SSH2: variants seen among roughly 807,000 people sequenced by gnomAD.
SSH2 encodes the protein slingshot protein phosphatase 2.
In SSH2, 37 loss-of-function variants were observed where a neutral mutation model predicts 135.2. The ratio of observed to expected loss-of-function variants is 0.27; its 90% CI spans 0.21 to 0.36. SSH2 has a LOEUF of 0.36. Ranked by LOEUF, SSH2 falls within the 10% of genes least tolerant of loss-of-function variation. The pLI, the probability that SSH2 is intolerant of heterozygous loss-of-function variation, is 1.00. For synonymous variants in SSH2, 628 were observed against 646.2 expected (o/e 0.97, Z 0.43); for missense variants, 1,408 against 1,765.3 (o/e 0.80, Z 3.63).
chr17:29,892,742 T>C (rs1029103492), intron 1 of SSH2, among the ~76,000 whole-genome samples: 3 of 152,072 alleles, frequency 2.0e-5, no homozygotes, highest in Non-Finnish European at 4.4e-5. Context: ...TGTAATATTA[T>C]CCAACCTTCC....
At chr17:29,758,073 CAAAGAAA>C (rs1690399714) in intron 3 of SSH2, among the ~76,000 whole-genome samples, 1 of 151,422 alleles carries the variant, frequency 6.6e-6, no homozygotes, top group Admixed American at 6.6e-5. Context: ...AAACAAGAAA[CAAAGAAA>C]AAAGAAGTGG....
intron 3 of SSH2, among the ~76,000 whole-genome samples, chr17:29,738,169 C>T (rs533720484): frequency 6.6e-6 from 1 of 152,318 alleles, no homozygotes; most frequent in South Asian, 2.1e-4. Context: ...TAAGGGAGAA[C>T]ATGCAGTGTT....
intron 1 of SSH2, among the ~76,000 whole-genome samples, chr17:29,913,347 A>AAAAAAAAAAAAAAAATTATATATATATAT: frequency 3.5e-5 from 1 of 28,786 alleles, no homozygotes; most frequent in Non-Finnish European, 5.9e-5. Context: ...AAAAAAAAAA[A>AAAAAAAAAAAAAAAATTATATATATATAT]ATATATATAT....
intron 9 of SSH2, among the ~76,000 whole-genome samples, chr17:29,670,711 T>C (rs933312777): frequency 1.3e-5 from 2 of 151,944 alleles, no homozygotes; most frequent in Non-Finnish European, 2.9e-5. Context: ...GAGGCAGAGA[T>C]TGTAGTAAGC....
chr17:29,922,578 G>A (rs890011333), intron 1 of SSH2, among the ~76,000 whole-genome samples: 2 of 152,048 alleles, frequency 1.3e-5, no homozygotes, highest in African/African-American at 4.8e-5. Flanking sequence ...TGAAAAATAC[G>A]TGACCTAACA....
At chr17:29,791,914 C>T (rs1049116395) in intron 3 of SSH2, among the ~76,000 whole-genome samples, 13 of 148,156 alleles carry the variant, frequency 8.8e-5, no homozygotes, top group African/African-American at 3.2e-4. Context: ...TCTTCTTCTT[C>T]CTCTTTTTTT....
At chr17:29,800,813 G>A (rs979512594) in intron 2 of SSH2, among the ~76,000 whole-genome samples, 2 of 150,900 alleles carry the variant, frequency 1.3e-5, no homozygotes, top group Non-Finnish European at 3.0e-5. Context: ...GAAACAGTAA[G>A]GTATTACATT....
intron 1 of SSH2, among the ~76,000 whole-genome samples, chr17:29,917,617 C>A (rs2066905882): frequency 6.6e-6 from 1 of 152,118 alleles, no homozygotes; most frequent in South Asian, 2.1e-4. Flanking sequence ...TATGGCAGGG[C>A]AAATCTAAAA....
At chr17:29,869,056 G>C (rs147690429) in intron 1 of SSH2, among the ~76,000 whole-genome samples, 1 of 152,182 alleles carries the variant, frequency 6.6e-6, no homozygotes, top group East Asian at 1.9e-4. Context: ...AGAGGAGTGA[G>C]AGTGTCTAAA....
chr17:29,850,202 A>G (rs2065530047), intron 1 of SSH2, among the ~76,000 whole-genome samples: 1 of 152,192 alleles, frequency 6.6e-6, no homozygotes, highest in Admixed American at 6.5e-5. Flanking sequence ...AGCTGGTAAC[A>G]TAGGAGTATT....
intron 1 of SSH2, among the ~76,000 whole-genome samples, chr17:29,910,780 A>T (rs1204407733): frequency 6.6e-6 from 1 of 152,196 alleles, no homozygotes; most frequent in Non-Finnish European, 1.5e-5. Flanking sequence ...TTGCTTTTGA[A>T]ATCAAAATAT....
chr17:29,687,495 G>A lies in SSH2; in HGVS notation c.358-2811C>T, dbSNP rs529245447. Among the ~76,000 whole-genome samples the A allele has an allele frequency of 2.0e-5, 3 of 152,220 alleles. No homozygotes were observed. The East Asian group carries it at 5.8e-4, about 29-fold the overall frequency. On this transcript the variant is annotated intron_variant, in intron 5 of 15. Transcript: ENST00000540801. ...AGCTAAGCGGAACTAACATTTAAAT[G>A]GACTAAGATCTAGAAGGCTGGGATC...
intron 4 of SSH2, among the ~76,000 whole-genome samples, chr17:29,696,647 A>ACC (rs2038765170): frequency 6.9e-6 from 1 of 145,018 alleles, no homozygotes; most frequent in African/African-American, 2.6e-5. Context: ...ACACACACAC[A>ACC]CCTATGTATG....
chr17:29,922,575 T>C (rs934253366), intron 1 of SSH2, among the ~76,000 whole-genome samples: 3 of 152,188 alleles, frequency 2.0e-5, no homozygotes, highest in Admixed American at 6.5e-5. Context: ...ATTTGAAAAA[T>C]ACGTGACCTA....
intron 2 of SSH2, among the ~76,000 whole-genome samples, chr17:29,827,308 A>G (rs1173626154): frequency 6.6e-6 from 1 of 152,234 alleles, no homozygotes; most frequent in Non-Finnish European, 1.5e-5. Context: ...TCTTACTAGT[A>G]AAAGGCTCAA....
rs534410238 is a variant in SSH2 at position 29,634,759 on chromosome 17, G to A, written c.2262+1209C>T. Among the ~76,000 whole-genome samples the A allele has an allele frequency of 7.2e-5, 11 of 152,126 alleles. No individual in the cohort carries two copies. In the South Asian group the frequency reaches 2.3e-3, roughly 32 times the overall value. ...GTAGAGATGGGGTTTCACCATGTTG[G>A]CCAGGATGGTCTTGATCTCTTGACC... On this transcript the variant is annotated intron_variant, in intron 15 of 15. Transcript: ENST00000540801.
intron 1 of SSH2, among the ~76,000 whole-genome samples, chr17:29,861,047 T>C (rs2065756052): frequency 6.6e-6 from 1 of 152,140 alleles, no homozygotes; most frequent in Non-Finnish European, 1.5e-5. Flanking sequence ...GTCCAGCCCT[T>C]TGGCCCACTT....
At chr17:29,779,517 C>T (rs1334922350) in intron 3 of SSH2, among the ~76,000 whole-genome samples, 3 of 152,098 alleles carry the variant, frequency 2.0e-5, no homozygotes, top group Non-Finnish European at 2.9e-5. Context: ...GGGAGGTGCA[C>T]AGTCAGGGTG....
At chr17:29,695,007 T>C (rs537043765) in intron 5 of SSH2, among the ~76,000 whole-genome samples, 172 of 152,258 alleles carry the variant, frequency 1.1e-3, no homozygotes, top group Middle Eastern at 3.4e-3. Flanking sequence ...TTGTCCAGTA[T>C]CGTATGATTA....
Sources: gnomAD v4.1 joint callset for allele counts (sites outside exome capture counted in the v4.1 genomes callset) on GRCh38, gnomAD v4.1.1 for gene constraint, MANE v1.5 for transcripts, NCBI Gene and HGNC (gene_info 2026-07-23, HGNC 2026-07-21) for gene names.